The following SH3BP4 variants were observed in gnomAD, a reference collection of about 807,000 sequenced individuals.
The protein encoded by SH3BP4 is SH3 domain-binding protein 4.
In SH3BP4, 33 loss-of-function variants were observed where a neutral mutation model predicts 65.5. The observed-to-expected ratio is 0.50, with a 90% CI of 0.38 to 0.67. The LOEUF (loss-of-function observed/expected upper bound fraction) is 0.67. Among genes scored for constraint, SH3BP4 ranks in the 30% least tolerant of loss-of-function variants. The pLI is 0.00. For missense variants in SH3BP4, 1,134 were observed against 1,261.4 expected, an observed-to-expected ratio of 0.90 and a Z score of 1.53; for synonymous variants, 552 against 545.5, an observed-to-expected ratio of 1.01 and a Z score of -0.17.
At chr2:234,987,772 G>T (rs73124268) in intron 1 of SH3BP4, among the ~76,000 whole-genome samples, 6,673 of 152,300 alleles carry the variant, frequency 0.044, 173 homozygotes, top group East Asian at 0.055. Context: ...GGCTCCAGAA[G>T]TGATTGGGCA....
At position 235,042,312 on chromosome 2, in the gene SH3BP4, A is replaced by G. The variant is rs1214796736; in HGVS notation, c.1543A>G (p.Asn515Asp). Residue 515 changes from asparagine to aspartate, a missense_variant, in exon 4 of 6, where the codon AAC (asparagine) becomes GAC (aspartate). Transcript: ENST00000392011. This position sits in a 1 kb window ranked among gnomAD's most constrained non-coding sequence, Gnocchi z 7.3. ...CAGCGAGGTCACACGCCAGGCACCC[A>G]ACCCTGCCCCGGTGGCCCTGCAGCT... ...LVSEVTRQAP[N>D]PAPVALQLWG... The G allele has an allele frequency of 6.2e-7, 1 of 1,613,994 alleles. No individual in the cohort carries two copies. Among genetic ancestry groups the G allele is most frequent in the East Asian group, 2.2e-5 (1 of 44,846 alleles).
At chr2:234,986,533 G>A (rs140719556) in intron 1 of SH3BP4, among the ~76,000 whole-genome samples, 3 of 152,182 alleles carry the variant, frequency 2.0e-5, no homozygotes, top group African/African-American at 7.2e-5. Context: ...ACTTGTCCAC[G>A]TCCTGTCTTA....
rs1411927906 is a variant in SH3BP4 at position 234,991,800 on chromosome 2, C to T, written c.-206-3503C>T. Among the ~76,000 whole-genome samples, 1 of 152,134 alleles carries T rather than the reference C, an allele frequency of 6.6e-6. No homozygotes were observed. The highest frequency in any genetic ancestry group is 1.5e-5 in the Non-Finnish European group (1 of 68,028). ...CACTGAATCCATCCACTGGGACCTC[C>T]CGGACATGACAAGCCAGATTCTCTC... On this transcript the variant is annotated intron_variant, in intron 1 of 5. Transcript: ENST00000392011. This position sits in a 1 kb window ranked among gnomAD's most constrained non-coding sequence, Gnocchi z 4.2.
intron 2 of SH3BP4, among the ~76,000 whole-genome samples, chr2:235,011,102 A>ACTCTCCTAGGAGAACCCTTCCTCC (rs763850423): frequency 1.6e-4 from 10 of 62,714 alleles, no homozygotes; most frequent in Admixed American, 5.5e-4. Context: ...ACCCTTCCTT[A>ACTCTCCTAGGAGAACCCTTCCTCC]CTCTCCTAGG....
At chr2:234,986,811 T>TTA (rs1553562079) in intron 1 of SH3BP4, among the ~76,000 whole-genome samples, 270 of 130,548 alleles carry the variant, frequency 2.1e-3, no homozygotes, top group Middle Eastern at 0.015. Context: ...ATGATTTTAT[T>TTA]TTTTTTTTTT....
chr2:235,043,212 A>C lies in SH3BP4; in HGVS notation c.2443A>C (p.Lys815Gln). ...GGAGGACTGTAACAACACTGAGAAC[A>C]AAGAACGGAAGTCCTTCCAGAAGGA... ...LKEDCNNTENKERKSFQKELV... is the reference protein window; with the variant it reads ...LKEDCNNTENQERKSFQKELV... Residue 815 changes from lysine to glutamine, a missense_variant, in exon 4 of 6, where the codon AAA (lysine) becomes CAA (glutamine). By Grantham distance (53) the Lys-to-Gln change is moderately conservative. Transcript: ENST00000392011. 6.3e-7 allele frequency: 1 copy of C among 1,590,226 alleles called. No individual in the cohort carries two copies. Among genetic ancestry groups the C allele is most frequent in the Non-Finnish European group, 8.6e-7 (1 of 1,164,556 alleles).
At chr2:234,986,100 A>ATATAC (rs1559232917) in intron 1 of SH3BP4, among the ~76,000 whole-genome samples, 24 of 122,262 alleles carry the variant, frequency 2.0e-4, no homozygotes, top group African/African-American at 6.9e-4. Flanking sequence ...CCTTGACACA[A>ATATAC]ACCTATGAGC....
chr2:235,048,764 G>A (rs923393924), intron 4 of SH3BP4, among the ~76,000 whole-genome samples: 1 of 152,194 alleles, frequency 6.6e-6, no homozygotes, highest in Non-Finnish European at 1.5e-5. Context: ...TTCAGGCTTC[G>A]TGTGTCCCAC....
intron 4 of SH3BP4, among the ~76,000 whole-genome samples, chr2:235,048,277 A>G (rs1179135994): frequency 2.0e-5 from 3 of 152,226 alleles, no homozygotes; most frequent in Admixed American, 1.3e-4. Context: ...AGGATGGAAT[A>G]AACATGCAGC....
At chr2:234,959,620 T>C (rs537470599) in intron 1 of SH3BP4, among the ~76,000 whole-genome samples, 3 of 151,946 alleles carry the variant, frequency 2.0e-5, no homozygotes, top group Admixed American at 2.0e-4. Flanking sequence ...TGTTTACCCA[T>C]TTTCCACTGT....
At chr2:234,956,663 TC>T (rs1692595977) in intron 1 of SH3BP4, among the ~76,000 whole-genome samples, 2 of 151,796 alleles carry the variant, frequency 1.3e-5, no homozygotes, top group South Asian at 4.2e-4. Flanking sequence ...AAGCAATCCT[TC>T]TTCCTCAGCC....
At chr2:234,990,378 A>G (rs1693711245) in intron 1 of SH3BP4, among the ~76,000 whole-genome samples, 1 of 152,184 alleles carries the variant, frequency 6.6e-6, no homozygotes, top group Non-Finnish European at 1.5e-5. Context: ...AATCTAAGAA[A>G]TAGGCTTACA....
chr2:235,000,061 T>A (rs1425379859), intron 2 of SH3BP4, among the ~76,000 whole-genome samples: 1 of 152,178 alleles, frequency 6.6e-6, no homozygotes, highest in African/African-American at 2.4e-5. Flanking sequence ...CACTGATCCA[T>A]CTGGAGAGGG....
Position 235,030,466 on chromosome 2 carries a change from G to A in SH3BP4, c.-132-4405G>A, listed in dbSNP as rs1047883123. Among the ~76,000 whole-genome samples, 30 of 152,314 alleles carry A rather than the reference G, an allele frequency of 2.0e-4. No individual in the cohort carries two copies. Among genetic ancestry groups the A allele is most frequent in the African/African-American group, 7.0e-4 (29 of 41,572 alleles). ...AGGACGCAGTGGGATGGTGCCTGGT[G>A]GAGCTATGAGCGCAGCCTGTGCTGT... On this transcript the variant is annotated intron_variant, in intron 2 of 5. Coordinates refer to ENST00000392011, the MANE Select transcript of SH3BP4 (RefSeq NM_014521.3). This position sits in a 1 kb window ranked among gnomAD's most constrained non-coding sequence, Gnocchi z 4.1.
chr2:234,988,464 T>C (rs937514918), intron 1 of SH3BP4, among the ~76,000 whole-genome samples: 10 of 152,210 alleles, frequency 6.6e-5, no homozygotes, highest in African/African-American at 2.4e-4. Context: ...CATCAGTTTA[T>C]GTAGTAATTA....
intron 1 of SH3BP4, chr2:234,994,800 A>T (rs1693861061): frequency 6.6e-6 from 1 of 152,302 alleles, no homozygotes; most frequent in Admixed American, 6.5e-5. Flanking sequence ...GCGGAACGTG[A>T]TGCAGAGGCC....
At chr2:235,024,281 T>C (rs1462822974) in intron 2 of SH3BP4, among the ~76,000 whole-genome samples, 2 of 152,246 alleles carry the variant, frequency 1.3e-5, no homozygotes, top group African/African-American at 2.4e-5. Context: ...TCATCTCTCC[T>C]AAGCGACGCC....
chr2:234,968,132 C>T (rs776943669), intron 1 of SH3BP4, among the ~76,000 whole-genome samples: 1 of 152,132 alleles, frequency 6.6e-6, no homozygotes, highest in African/African-American at 2.4e-5. Flanking sequence ...CTGGTCAGCT[C>T]GGTGGTAGCA....
At chr2:234,970,029 ACT>A (rs1692945267) in intron 1 of SH3BP4, among the ~76,000 whole-genome samples, 2 of 149,404 alleles carry the variant, frequency 1.3e-5, no homozygotes, top group Admixed American at 6.6e-5. Flanking sequence ...ACTGTCACAC[ACT>A]CACAAATACA....
Sources: allele counts gnomAD v4.1 joint callset (sites outside exome capture counted in the v4.1 genomes callset), GRCh38; gene constraint gnomAD v4.1.1; non-coding constraint Gnocchi (gnomAD v3.1); transcripts MANE v1.5; gene names NCBI Gene and HGNC (gene_info 2026-07-23, HGNC 2026-07-21).